MBNL1: variants seen among roughly 807,000 people sequenced by gnomAD.
MBNL1 encodes muscleblind-like protein 1.
A neutral mutation model predicts 42.2 loss-of-function variants in MBNL1; 8 were observed. That is an observed-to-expected ratio of 0.19 (90% CI 0.11 to 0.34). The LOEUF (loss-of-function observed/expected upper bound fraction) is 0.34, where lower values mean the gene tolerates loss of function less well. Among genes scored for constraint, MBNL1 ranks in the 10% least tolerant of loss-of-function variants. MBNL1 has a pLI of 1.00. For synonymous variants in MBNL1, 169 were observed against 173.9 expected (o/e 0.97, Z 0.22); for missense variants, 309 against 495.3 (o/e 0.62, Z 3.57).
intron 2 of MBNL1, among the ~76,000 whole-genome samples, chr3:152,403,811 C>G (rs2098333419): frequency 6.6e-6 from 1 of 152,118 alleles, no homozygotes; most frequent in Non-Finnish European, 1.5e-5. Context: ...TTTGTCTTTC[C>G]CCTCGCTGCT....
intron 2 of MBNL1, among the ~76,000 whole-genome samples, chr3:152,327,815 AT>A (rs893206005): frequency 4.0e-5 from 6 of 150,642 alleles, no homozygotes; most frequent in East Asian, 1.9e-4. Context: ...ATATAGTAGC[AT>A]TTTTTTTTAT....
intron 3 of MBNL1, among the ~76,000 whole-genome samples, chr3:152,424,284 C>T (rs576038200): frequency 6.6e-6 from 1 of 152,096 alleles, no homozygotes; most frequent in Non-Finnish European, 1.5e-5. Flanking sequence ...CAATAATAGA[C>T]AAACAGAGAG....
intron 2 of MBNL1, among the ~76,000 whole-genome samples, chr3:152,411,479 C>G (rs543204707): frequency 6.1e-4 from 93 of 152,274 alleles, no homozygotes; most frequent in Admixed American, 6.1e-3. Flanking sequence ...CAGATCGCGC[C>G]ACTGCACTCC....
At chr3:152,392,804 G>GT (rs2097775125) in intron 2 of MBNL1, among the ~76,000 whole-genome samples, 1 of 152,066 alleles carries the variant, frequency 6.6e-6, no homozygotes, top group Non-Finnish European at 1.5e-5. Context: ...GCTACTCCCA[G>GT]TTTTTTGCAG....
intron 1 of MBNL1, among the ~76,000 whole-genome samples, chr3:152,292,774 CT>C (rs397874900): frequency 9.3e-4 from 135 of 144,834 alleles, no homozygotes; most frequent in Non-Finnish European, 1.1e-3. Flanking sequence ...TTAATTAATA[CT>C]TTTTTTTTTT....
intron 6 of MBNL1, among the ~76,000 whole-genome samples, chr3:152,450,426 ACAGT>A (rs1458869689): frequency 2.6e-5 from 4 of 152,218 alleles, no homozygotes; most frequent in African/African-American, 9.6e-5. Flanking sequence ...ACTTTGTCAG[ACAGT>A]CAGAAAGGAA....
chr3:152,393,327 T>A (rs2097793567), intron 2 of MBNL1, among the ~76,000 whole-genome samples: 1 of 152,256 alleles, frequency 6.6e-6, no homozygotes, highest in Admixed American at 6.5e-5. Flanking sequence ...CTACAGTCTA[T>A]CTTAGAGAAT....
At chr3:152,248,843 C>T (rs1408702777) in intron 2 of MBNL1, among the ~76,000 whole-genome samples, 1 of 151,844 alleles carries the variant, frequency 6.6e-6, no homozygotes, top group Non-Finnish European at 1.5e-5. Context: ...GTTCAATTCC[C>T]ATCTATGAGT....
intron 1 of MBNL1, among the ~76,000 whole-genome samples, chr3:152,277,744 A>G (rs1451705858): frequency 6.6e-6 from 1 of 152,158 alleles, no homozygotes; most frequent in Non-Finnish European, 1.5e-5. Context: ...AAAATGTCAG[A>G]ACATTGATAG....
intron 2 of MBNL1, among the ~76,000 whole-genome samples, chr3:152,390,645 A>T (rs111770015): frequency 2.7e-5 from 4 of 150,190 alleles, no homozygotes; most frequent in South Asian, 4.2e-4. Context: ...ACACACACAC[A>T]CTCTGATATA....
At chr3:152,269,205 C>T (rs1488956200) in intron 1 of MBNL1, 113 bp downstream of exon 1, 13 of 388,778 alleles carry the variant, frequency 3.3e-5, no homozygotes, top group Non-Finnish European at 1.6e-5. Context: ...CGCGGTTCTC[C>T]CGGGCAGGGG....
At chr3:152,261,554 T>C (rs1011000337) in intron 2 of MBNL1, among the ~76,000 whole-genome samples, 6 of 152,240 alleles carry the variant, frequency 3.9e-5, no homozygotes, top group African/African-American at 1.4e-4. Context: ...GTGAATGACT[T>C]TAATCAGATA....
At chr3:152,257,497 G>GA (rs1033260893) in intron 2 of MBNL1, among the ~76,000 whole-genome samples, 71 of 144,858 alleles carry the variant, frequency 4.9e-4, no homozygotes, top group Admixed American at 1.2e-3. Flanking sequence ...ATCATGTTAG[G>GA]AAAAAAAAAA....
chr3:152,367,862 T>C (rs2096482012), intron 2 of MBNL1, among the ~76,000 whole-genome samples: 2 of 152,202 alleles, frequency 1.3e-5, no homozygotes, highest in Non-Finnish European at 2.9e-5. Context: ...CTTTGCCCAC[T>C]TTTTGATGGT....
intron 2 of MBNL1, among the ~76,000 whole-genome samples, chr3:152,322,775 C>G (rs999620390): frequency 1.4e-4 from 21 of 151,998 alleles, no homozygotes; most frequent in African/African-American, 5.1e-4. Flanking sequence ...TTAAATTGAC[C>G]TAATAAAAGA....
At chr3:152,341,082 C>T in intron 2 of MBNL1, 1 of 684,600 alleles carries the variant, frequency 1.5e-6, no homozygotes, top group East Asian at 3.0e-5. Context: ...AGTTTATTCC[C>T]TCTAGACTTC....
At chr3:152,430,421 T>C (rs948841717) in intron 3 of MBNL1, among the ~76,000 whole-genome samples, 3 of 152,202 alleles carry the variant, frequency 2.0e-5, no homozygotes, top group South Asian at 2.1e-4. Context: ...CAAAGAGGAA[T>C]GATAATGAAT....
chr3:152,346,893 A>AC (rs971943715), intron 2 of MBNL1, among the ~76,000 whole-genome samples: 1 of 150,218 alleles, frequency 6.7e-6, no homozygotes, highest in Non-Finnish European at 1.5e-5. Context: ...AAAAAAAAAA[A>AC]AAAAACCAGT....
At chr3:152,347,540 A>G (rs2094442829) in intron 2 of MBNL1, among the ~76,000 whole-genome samples, 1 of 152,110 alleles carries the variant, frequency 6.6e-6, no homozygotes, top group African/African-American at 2.4e-5. Flanking sequence ...GTCAGTTTAC[A>G]CTGAAAGCTT....
Sources: allele counts gnomAD v4.1 joint callset (sites outside exome capture counted in the v4.1 genomes callset), GRCh38; gene constraint gnomAD v4.1.1; transcripts MANE v1.5; gene names NCBI Gene and HGNC (gene_info 2026-07-23, HGNC 2026-07-21).